The following CCDC146 variants were observed in gnomAD, a reference collection of about 807,000 sequenced individuals.
CCDC146 encodes coiled-coil domain containing 146.
CCDC146 carries 92 observed loss-of-function variants against 119.3 expected under a neutral mutation model. The observed-to-expected ratio is 0.77, with a 90% CI of 0.65 to 0.92. The LOEUF is 0.92. CCDC146 is among the 40% of genes least tolerant of loss of function. CCDC146 has a pLI of 0.00. For synonymous variants in CCDC146, 372 were observed against 371.8 expected (o/e 1.00, Z -0.01); for missense variants, 1,000 against 1,103.0 (o/e 0.91, Z 1.32).
At chr7:77,237,703 G>T (rs1217591260) in intron 3 of CCDC146, among the ~76,000 whole-genome samples, 1 of 152,108 alleles carries the variant, frequency 6.6e-6, no homozygotes. Context: ...CTTACACCTT[G>T]CAAGTCCCAA....
chr7:77,156,586 A>G (rs571850106), intron 1 of CCDC146, among the ~76,000 whole-genome samples: 208 of 152,290 alleles, frequency 1.4e-3, no homozygotes, highest in African/African-American at 4.9e-3. Context: ...TAAATAAAAT[A>G]AAATATGTAT....
chr7:77,270,087 C>A (rs1793481986), intron 9 of CCDC146, among the ~76,000 whole-genome samples: 1 of 152,192 alleles, frequency 6.6e-6, no homozygotes, highest in African/African-American at 2.4e-5. Context: ...ACTCAAGGTA[C>A]AAGCCTCATG....
chr7:77,141,957 G>A (rs960069976), intron 1 of CCDC146, among the ~76,000 whole-genome samples: 1 of 152,126 alleles, frequency 6.6e-6, no homozygotes, highest in Non-Finnish European at 1.5e-5. Flanking sequence ...TGTTGCCATT[G>A]CTTTTGGTGT....
chr7:77,241,891 G>C lies in CCDC146; in HGVS notation c.440G>C (p.Arg147Thr). The C allele has an allele frequency of 6.2e-7, 1 of 1,609,218 alleles. No individual in the cohort carries two copies. The highest frequency in any genetic ancestry group is 8.5e-7 in the Non-Finnish European group (1 of 1,175,656). The change falls in exon 4 of 19, where the codon AGA becomes ACA. Residue 147 changes from arginine to threonine, a missense_variant. Physicochemically the swap from Arg to Thr is moderately conservative, Grantham distance 71. Transcript: ENST00000285871. ...VKEREFHNQYRLNSLKEEKII... is the reference protein window; with the variant it reads ...VKEREFHNQYTLNSLKEEKII... ...GAAAGAGAGTTCCATAATCAGTACA[G>C]ATTAAATAGGTAAGTGCACAGTTCT...
At chr7:77,291,235 C>T (rs1017682901) in intron 17 of CCDC146, among the ~76,000 whole-genome samples, 1 of 152,132 alleles carries the variant, frequency 6.6e-6, no homozygotes, top group Non-Finnish European at 1.5e-5. Context: ...TAGAAGGTAT[C>T]ACCACTGAAC....
chr7:77,250,971 A>ATT (rs1793047377), intron 4 of CCDC146, among the ~76,000 whole-genome samples: 1 of 99,298 alleles, frequency 1.0e-5, no homozygotes, highest in Admixed American at 1.1e-4. Flanking sequence ...GATCTCTGGT[A>ATT]TTTGTGTGTG....
chr7:77,286,608 G>A (rs986974198), intron 15 of CCDC146, among the ~76,000 whole-genome samples, 190 bp from the exon 16 acceptor site: 10 of 152,082 alleles, frequency 6.6e-5, no homozygotes, highest in Admixed American at 2.6e-4. Context: ...CATCATCGTC[G>A]CAGTACCATA....
intron 1 of CCDC146, among the ~76,000 whole-genome samples, chr7:77,128,223 T>G (rs1391917413): frequency 6.6e-6 from 1 of 151,952 alleles, no homozygotes; most frequent in Non-Finnish European, 1.5e-5. Flanking sequence ...TAGCTCATCT[T>G]CAGCGGGAGT....
chr7:77,246,557 T>C (rs534502660), intron 4 of CCDC146: 2 of 152,226 alleles, frequency 1.3e-5, no homozygotes, highest in South Asian at 4.1e-4. Flanking sequence ...CCAGGAGGCA[T>C]AGAAACAGAA....
chr7:77,249,042 T>C (rs550975973), intron 4 of CCDC146, among the ~76,000 whole-genome samples: 1 of 152,328 alleles, frequency 6.6e-6, no homozygotes, highest in South Asian at 2.1e-4. Flanking sequence ...AGTTTGACTA[T>C]GTCCTTAACT....
chr7:77,243,087 G>A (rs2150491079), intron 4 of CCDC146, among the ~76,000 whole-genome samples: 1 of 152,282 alleles, frequency 6.6e-6, no homozygotes, highest in East Asian at 1.9e-4. Context: ...TAAAACAATT[G>A]GTGGTTGTTC....
chr7:77,237,020 C>G lies in CCDC146; in HGVS notation c.230C>G (p.Ala77Gly). ...GCCAAGTATACCTTGCTGCATGACG[C>G]CGTGATGAGGTATGCAATTTACCAA... ...LKAKYTLLHD[A>G]VMSTQESEVQ... The change falls in exon 3 of 19, where the codon GCC (alanine) becomes GGC (glycine). Residue 77 changes from alanine to glycine, a missense_variant. Around this residue, in one of 2 missense-constraint regions of CCDC146, gnomAD observed 985 missense variants for 1,045.3 expected, o/e 0.94. Coordinates refer to ENST00000285871, the MANE Select transcript of CCDC146 (RefSeq NM_020879.3). The G allele has an allele frequency of 6.2e-6, 10 of 1,613,790 alleles. No individual in the cohort carries two copies. The highest frequency in any genetic ancestry group is 7.6e-6 in the Non-Finnish European group (9 of 1,179,706).
chr7:77,144,447 T>C (rs9767929), intron 1 of CCDC146, among the ~76,000 whole-genome samples: 29,461 of 151,590 alleles, frequency 0.19, 3,419 homozygotes, highest in Non-Finnish European at 0.21. Flanking sequence ...GAACTTCCAA[T>C]ACTATGTTGA....
intron 1 of CCDC146, among the ~76,000 whole-genome samples, chr7:77,161,087 A>G (rs1791254015): frequency 6.6e-6 from 1 of 152,238 alleles, no homozygotes; most frequent in African/African-American, 2.4e-5. Flanking sequence ...CCACAATGAG[A>G]TACCATCTCA....
chr7:77,233,524 C>CT (rs1169357971), intron 2 of CCDC146, among the ~76,000 whole-genome samples: 1 of 151,806 alleles, frequency 6.6e-6, no homozygotes, highest in African/African-American at 2.4e-5. Flanking sequence ...GCCCCCCAAC[C>CT]TTTTTGACAC....
At chr7:77,254,845 T>C (rs1311146663) in intron 5 of CCDC146, among the ~76,000 whole-genome samples, 4 of 152,252 alleles carry the variant, frequency 2.6e-5, no homozygotes, top group Non-Finnish European at 5.9e-5. Context: ...TGGTTGACAC[T>C]AAAAATATTA....
intron 1 of CCDC146, among the ~76,000 whole-genome samples, chr7:77,132,368 C>T (rs550785058): frequency 6.6e-6 from 1 of 151,878 alleles, no homozygotes; most frequent in East Asian, 1.9e-4. Flanking sequence ...AAGGATAATG[C>T]ATCATGACCA....
intron 3 of CCDC146, among the ~76,000 whole-genome samples, 193 bp from the exon 4 acceptor site, chr7:77,241,498 T>C (rs1385231020): frequency 1.3e-5 from 2 of 151,364 alleles, no homozygotes; most frequent in African/African-American, 2.4e-5. Context: ...TTAACAAAAA[T>C]TTTCCCTCGT....
intron 13 of CCDC146, among the ~76,000 whole-genome samples, chr7:77,279,397 A>AT (rs1241640690): frequency 2.0e-5 from 3 of 152,198 alleles, no homozygotes; most frequent in Non-Finnish European, 4.4e-5. Flanking sequence ...TTTGGGAGTC[A>AT]TTTTTTTAAT....
Sources: allele counts gnomAD v4.1 joint callset (sites outside exome capture counted in the v4.1 genomes callset), GRCh38; gene constraint gnomAD v4.1.1; regional missense constraint gnomAD v4.1.1; transcripts MANE v1.5; gene names NCBI Gene and HGNC (gene_info 2026-07-23, HGNC 2026-07-21).